MAP4: variants seen among roughly 807,000 people sequenced by gnomAD.
MAP4 encodes the protein microtubule associated protein 4.
In MAP4, 76 loss-of-function variants were observed where a neutral mutation model predicts 170.2. That is an observed-to-expected ratio of 0.45 (90% CI 0.37 to 0.54). MAP4 has a LOEUF of 0.54. Ranked by LOEUF, MAP4 falls within the 20% of genes least tolerant of loss-of-function variation. The pLI, the probability that MAP4 is intolerant of heterozygous loss-of-function variation, is 0.00. For synonymous variants in MAP4, 909 were observed against 994.5 expected (o/e 0.91, Z 1.62); for missense variants, 2,506 against 2,748.0 (o/e 0.91, Z 1.97).
At chr3:48,020,077 G>A (rs1186533313), upstream of MAP4, among the ~76,000 whole-genome samples, 1 of 152,044 alleles carries the variant, frequency 6.6e-6, no homozygotes, top group Non-Finnish European at 1.5e-5. Flanking sequence ...GTAGAGACAG[G>A]GTTTCACCAT....
intron 10 of MAP4, chr3:47,892,233 CTT>C (rs1559934230): frequency 4.6e-6 from 7 of 1,536,412 alleles, no homozygotes; most frequent in Non-Finnish European, 5.2e-6. Flanking sequence ...ATGCTCAGCT[CTT>C]TGTCTAGCTT....
intron 1 of MAP4, among the ~76,000 whole-genome samples, chr3:48,064,282 A>G (rs1456374716): frequency 6.6e-6 from 1 of 152,202 alleles, no homozygotes; most frequent in Admixed American, 6.5e-5. Context: ...TGCAGACCCT[A>G]TATTCAATGG....
At chr3:47,903,063 C>T (rs997007736) in intron 9 of MAP4, 63 bp from the exon 10 acceptor site, 37 of 690,404 alleles carry the variant, frequency 5.4e-5, no homozygotes, top group Non-Finnish European at 4.5e-5. Context: ...AAAGGGAGGG[C>T]CTATTTACAG....
At chr3:48,051,549 T>A (rs1315385461) in intron 1 of MAP4, among the ~76,000 whole-genome samples, 2 of 152,204 alleles carry the variant, frequency 1.3e-5, no homozygotes, top group African/African-American at 4.8e-5. Flanking sequence ...CACATTCTTT[T>A]TTATGGTTAT....
chr3:47,986,811 TA>T (rs1169897443), intron 2 of MAP4, among the ~76,000 whole-genome samples: 13 of 152,332 alleles, frequency 8.5e-5, no homozygotes, highest in African/African-American at 3.1e-4. Context: ...TATGCATATA[TA>T]TAAACTTCCC....
At chr3:48,073,627 GA>G (rs1239565733) in intron 1 of MAP4, among the ~76,000 whole-genome samples, 2 of 148,150 alleles carry the variant, frequency 1.3e-5, no homozygotes, top group African/African-American at 2.5e-5. Flanking sequence ...AAAAAAAGAA[GA>G]AAAAAAAAGT....
At chr3:47,891,208 A>G in intron 10 of MAP4, 2 of 1,536,112 alleles carry the variant, frequency 1.3e-6, no homozygotes, top group Non-Finnish European at 8.7e-7. Context: ...TGCTTCCTTC[A>G]GGAATCTGCT....
intron 1 of MAP4, among the ~76,000 whole-genome samples, chr3:48,040,888 CG>C (rs2100121306): frequency 6.6e-6 from 1 of 151,830 alleles, no homozygotes; most frequent in Non-Finnish European, 1.5e-5. Context: ...TTGATAGAGA[CG>C]GGGTTTTGCC....
intron 3 of MAP4, chr3:47,975,041 A>T: frequency 3.9e-6 from 4 of 1,020,154 alleles, no homozygotes; most frequent in Non-Finnish European, 4.7e-6. Context: ...ATTTGGTGTT[A>T]CACTATTCTG....
intron 3 of MAP4, among the ~76,000 whole-genome samples, chr3:47,952,941 C>G (rs1467513557): frequency 6.8e-6 from 1 of 147,612 alleles, no homozygotes; most frequent in Admixed American, 6.8e-5. Context: ...AAATAAAATA[C>G]AAAAAAAAAA....
At chr3:48,042,409 T>A (rs948308448) in intron 1 of MAP4, among the ~76,000 whole-genome samples, 9 of 152,252 alleles carry the variant, frequency 5.9e-5, no homozygotes, top group Non-Finnish European at 1.2e-4. Context: ...CACACCTGTA[T>A]CTAAAATACC....
intron 1 of MAP4, among the ~76,000 whole-genome samples, chr3:48,030,484 A>G (rs967987047): frequency 1.2e-5 from 1 of 86,720 alleles, no homozygotes; most frequent in African/African-American, 3.3e-5. Flanking sequence ...AAAAATAAAA[A>G]TAAAAAAAAA....
intron 1 of MAP4, among the ~76,000 whole-genome samples, chr3:48,057,633 A>AT (rs71625850): frequency 2.0e-4 from 27 of 137,580 alleles, no homozygotes; most frequent in Admixed American, 4.2e-4. Flanking sequence ...AAATAAATAA[A>AT]AAAGAAAAAA....
chr3:48,082,714 C>T (rs564976402), intron 1 of MAP4, among the ~76,000 whole-genome samples: 7 of 148,762 alleles, frequency 4.7e-5, no homozygotes, highest in Non-Finnish European at 8.9e-5. Context: ...ACAAAAATCA[C>T]TTGAATTGGG....
chr3:48,072,894 A>T (rs186334341), intron 1 of MAP4, among the ~76,000 whole-genome samples: 9 of 152,310 alleles, frequency 5.9e-5, no homozygotes, highest in African/African-American at 1.9e-4. Flanking sequence ...GAAATGAAGT[A>T]TGGTCTCTGA....
At chr3:47,862,591 C>T (rs893708879) in intron 17 of MAP4, among the ~76,000 whole-genome samples, 1 of 151,968 alleles carries the variant, frequency 6.6e-6, no homozygotes, top group Non-Finnish European at 1.5e-5. Context: ...GATTCTCCTG[C>T]GTCAGCCTCC....
intron 10 of MAP4, 156 bp from the exon 11 acceptor site, chr3:47,877,679 G>A (rs1460207346): frequency 1.3e-5 from 7 of 534,774 alleles, no homozygotes; most frequent in Non-Finnish European, 2.0e-5. Flanking sequence ...AGCCTCCCAA[G>A]TTCTCATTGT....
intron 3 of MAP4, among the ~76,000 whole-genome samples, chr3:47,976,290 C>T (rs1427689637): frequency 1.3e-5 from 2 of 152,162 alleles, no homozygotes; most frequent in African/African-American, 4.8e-5. Context: ...ACAGTTTTTA[C>T]CCTTCTATTC....
chr3:48,055,278 T>A (rs1253962472), intron 1 of MAP4, among the ~76,000 whole-genome samples: 1 of 151,992 alleles, frequency 6.6e-6, no homozygotes. Flanking sequence ...GAAGCTGGAC[T>A]GTACTGCTGC....
Sources: allele counts gnomAD v4.1 joint callset (sites outside exome capture counted in the v4.1 genomes callset), GRCh38; gene constraint gnomAD v4.1.1; transcripts MANE v1.5; gene names NCBI Gene and HGNC (gene_info 2026-07-23, HGNC 2026-07-21).